Variants in CLOCK observed in about 807,000 individuals in gnomAD.
CLOCK encodes the protein clock circadian regulator.
Under a neutral mutation model 118.4 loss-of-function variants are expected in CLOCK, and 43 were observed. That is an observed-to-expected ratio of 0.36 (90% CI 0.28 to 0.47). The LOEUF is 0.47. CLOCK is among the 20% of genes least tolerant of loss of function. The pLI is 1.00. For synonymous variants in CLOCK, 326 were observed against 339.2 expected (o/e 0.96, Z 0.43); for missense variants, 846 against 999.9 (o/e 0.85, Z 2.08).
chr4:55,533,945 A>G (rs1009221510), intron 1 of CLOCK, among the ~76,000 whole-genome samples: 5 of 152,174 alleles, frequency 3.3e-5, no homozygotes, highest in African/African-American at 1.2e-4. Context: ...AAGATGCAGG[A>G]GAGTGGACAC....
At chr4:55,487,016 C>T (rs1232035553) in intron 3 of CLOCK, among the ~76,000 whole-genome samples, 1 of 152,114 alleles carries the variant, frequency 6.6e-6, no homozygotes, top group African/African-American at 2.4e-5. Flanking sequence ...CTTATTTTTT[C>T]TCTACCATTT....
At chr4:55,535,739 CTTTTT>C (rs758384802) in intron 1 of CLOCK, among the ~76,000 whole-genome samples, 1 of 124,142 alleles carries the variant, frequency 8.1e-6, no homozygotes, top group Non-Finnish European at 1.7e-5. Context: ...ATGGGAGAAT[CTTTTT>C]TTTTTTTTTT....
intron 2 of CLOCK, among the ~76,000 whole-genome samples, chr4:55,504,831 T>C (rs965714593): frequency 3.3e-5 from 5 of 152,190 alleles, no homozygotes; most frequent in African/African-American, 1.2e-4. Context: ...ACCATATTAC[T>C]ATAAAATAAT....
chr4:55,448,675 C>A, intron 18 of CLOCK, 104 bp downstream of exon 18: 1 of 743,584 alleles, frequency 1.3e-6, no homozygotes, highest in African/African-American at 1.7e-5. Flanking sequence ...GTAGCTGTGG[C>A]TACAGGTGCT....
intron 1 of CLOCK, among the ~76,000 whole-genome samples, chr4:55,513,301 A>G (rs978579282): frequency 1.3e-5 from 2 of 152,192 alleles, no homozygotes; most frequent in African/African-American, 4.8e-5. Flanking sequence ...GTCTAGTAAC[A>G]GTAGGCTACA....
chr4:55,492,365 A>AAC (rs1727764255), intron 2 of CLOCK, among the ~76,000 whole-genome samples: 1 of 151,824 alleles, frequency 6.6e-6, no homozygotes, highest in East Asian at 1.9e-4. Context: ...GATAAAAAAA[A>AAC]AAAACGCCAT....
intron 1 of CLOCK, among the ~76,000 whole-genome samples, chr4:55,520,411 T>G (rs912501819): frequency 6.6e-6 from 1 of 152,162 alleles, no homozygotes; most frequent in African/African-American, 2.4e-5. Context: ...CAGCAATAGT[T>G]TCCCCTAATA....
Position 55,500,702 on chromosome 4 carries a change from C to A in CLOCK, c.-136+9210G>T, listed in dbSNP as rs1024552865. Among the ~76,000 whole-genome samples, 6 of 152,158 alleles carry A rather than the reference C, an allele frequency of 3.9e-5. No homozygotes were observed. The South Asian group carries it at 1.2e-3, about 32-fold the overall frequency. On this transcript the variant is annotated intron_variant, in intron 2 of 22. Transcript: ENST00000513440. ...GAGGCTTACTCCACTTTTGCCTATC[C>A]ATTATGTTTTATCCATTTCCCAATT...
At chr4:55,444,869 A>G (rs930003717) in intron 18 of CLOCK, 84 bp from the exon 19 acceptor site, 25 of 1,374,490 alleles carry the variant, frequency 1.8e-5, no homozygotes, top group Admixed American at 5.8e-5. Flanking sequence ...AGTAAGCAGT[A>G]TAACATGAGT....
chr4:55,475,395 A>G (rs929514144), intron 7 of CLOCK, among the ~76,000 whole-genome samples: 4 of 152,344 alleles, frequency 2.6e-5, no homozygotes, highest in African/African-American at 7.2e-5. Context: ...TACTGTTGAC[A>G]TGACAGCAAA....
Position 55,438,550 on chromosome 4 carries a change from A to G in CLOCK, c.2106-13T>C. ...ACCTTGAGAAAATCTGTTAGAAGAA[A>G]GAAGGAAAAAAATTGGAGTCCAAAG... On this transcript the variant is annotated splice_polypyrimidine_tract_variant and intron_variant, in intron 21 of 22. Transcript: ENST00000513440. The G allele has an allele frequency of 6.2e-7, 1 of 1,612,798 alleles. No homozygotes were observed. The highest frequency in any genetic ancestry group is 8.5e-7 in the Non-Finnish European group (1 of 1,179,960).
At chr4:55,533,978 A>C (rs903763873) in intron 1 of CLOCK, among the ~76,000 whole-genome samples, 1 of 152,246 alleles carries the variant, frequency 6.6e-6, no homozygotes, top group African/African-American at 2.4e-5. Flanking sequence ...TTCAAGACAC[A>C]CTACAAAACT....
chr4:55,470,095 C>T (rs768830300), intron 8 of CLOCK, among the ~76,000 whole-genome samples: 2 of 152,032 alleles, frequency 1.3e-5, no homozygotes, highest in South Asian at 4.1e-4. Context: ...TATAAAGTAG[C>T]CTAAGTGTAC....
At chr4:55,453,853 C>A (rs1171689974) in intron 13 of CLOCK, 29 bp from the exon 14 acceptor site, 1 of 1,500,492 alleles carries the variant, frequency 6.7e-7, no homozygotes, top group Non-Finnish European at 9.1e-7. Flanking sequence ...AATATTTTTT[C>A]TTTAATTCAT....
intron 2 of CLOCK, among the ~76,000 whole-genome samples, chr4:55,506,202 T>C (rs1270907096): frequency 2.0e-5 from 3 of 152,166 alleles, no homozygotes; most frequent in Non-Finnish European, 4.4e-5. Flanking sequence ...ACACTTTTCT[T>C]TCAGTAAATA....
chr4:55,501,998 C>T (rs185405290), intron 2 of CLOCK, among the ~76,000 whole-genome samples: 11 of 152,146 alleles, frequency 7.2e-5, no homozygotes, highest in Non-Finnish European at 1.5e-4. Flanking sequence ...TCATATCTTA[C>T]GAAGTCAACA....
intron 2 of CLOCK, among the ~76,000 whole-genome samples, chr4:55,490,008 C>G (rs535230070): frequency 6.6e-6 from 1 of 151,914 alleles, no homozygotes; most frequent in Admixed American, 6.6e-5. Flanking sequence ...ACAAGAAAGA[C>G]AGCAAGCCCT....
intron 2 of CLOCK, among the ~76,000 whole-genome samples, chr4:55,495,024 C>T (rs1727963246): frequency 6.6e-6 from 1 of 152,152 alleles, no homozygotes; most frequent in Admixed American, 6.5e-5. Flanking sequence ...ATAAACCTGG[C>T]TCTCACCAAC....
At chr4:55,546,702 G>A (rs10529258) in intron 1 of CLOCK, 80 bp downstream of exon 1, 33,531 of 136,226 alleles carry the variant, frequency 0.25, 4,370 homozygotes, top group South Asian at 0.38. Flanking sequence ...TCCTCCACCA[G>A]CCCAGGAGCG....
Sources: allele counts gnomAD v4.1 joint callset (sites outside exome capture counted in the v4.1 genomes callset), GRCh38; gene constraint gnomAD v4.1.1; transcripts MANE v1.5; gene names NCBI Gene and HGNC (gene_info 2026-07-23, HGNC 2026-07-21).